Variants in CLC observed in about 807,000 individuals in gnomAD.
CLC encodes galectin-10.
In CLC, 15 loss-of-function variants were observed where a neutral mutation model predicts 13.9. The observed-to-expected ratio is 1.08, with a 90% CI of 0.72 to 1.66. The LOEUF (loss-of-function observed/expected upper bound fraction) is 1.66. Ranked by LOEUF, CLC falls within the 40% of genes most tolerant of loss-of-function variation. The pLI is 0.00. For missense variants in CLC, 161 were observed against 169.1 expected, an observed-to-expected ratio of 0.95 and a Z score of 0.27; for synonymous variants, 68 against 59.9, an observed-to-expected ratio of 1.14 and a Z score of -0.63.
At chr19:39,734,258 T>G in intron 3 of CLC, 25 bp downstream of exon 3, 1 of 1,607,256 alleles carries the variant, frequency 6.2e-7, no homozygotes, top group Admixed American at 1.7e-5. Context: ...GGAAGCCGGG[T>G]GCGGGGAGCT....
intron 3 of CLC, among the ~76,000 whole-genome samples, chr19:39,733,325 C>G (rs446425): frequency 0.67 from 101,210 of 151,812 alleles, 34,459 homozygotes; most frequent in African/African-American, 0.76. Context: ...ATGTCAGAAA[C>G]TTTGATCACA....
At chr19:39,732,183 A>G (rs1967237150) in intron 3 of CLC, among the ~76,000 whole-genome samples, 1 of 109,380 alleles carries the variant, frequency 9.1e-6, no homozygotes, top group African/African-American at 3.9e-5. Flanking sequence ...TGCACCCACT[A>G]ACTCGTCATC....
In CLC at chr19:39,731,448, C is replaced by T. The variant is rs770730080; in HGVS notation, c.361G>A (p.Val121Met). 1.2e-6 allele frequency: 2 copies of T among 1,613,758 alleles called. No individual in the cohort carries two copies. Among genetic ancestry groups the T allele is most frequent in the East Asian group, 2.2e-5 (1 of 44,860 alleles). Residue 121 changes from valine to methionine, a missense_variant, in exon 4 of 4, where the codon GTG (valine) becomes ATG (methionine). Transcript: ENST00000221804. ...TFDHRIKPEA[V>M]KMVQVWRDIS... ...TCTCTCCACACTTGCACCATCTTCACAGCCTCAGGCTTGATTCTATGGTCA... is the reference window on the plus strand; with the variant it reads ...TCTCTCCACACTTGCACCATCTTCATAGCCTCAGGCTTGATTCTATGGTCA...
At chr19:39,731,842 C>T (rs532624191) in intron 3 of CLC, among the ~76,000 whole-genome samples, 4 of 152,282 alleles carry the variant, frequency 2.6e-5, no homozygotes, top group African/African-American at 9.6e-5. Context: ...TTGCACAGGG[C>T]CAGCCACAGG....
chr19:39,735,086 T>TGA lies in CLC; in HGVS notation c.16-15_16-14dup. 6.3e-7 allele frequency: 1 copy of TGA among 1,597,980 alleles called. No homozygotes were observed. ...CTGTGTATGGCACCTGCCAGGGGATTGAGAGTGGGTGAGAGAGGCAGGGCC... is the reference window on the plus strand; with the variant it reads ...CTGTGTATGGCACCTGCCAGGGGATTGAGAGAGTGGGTGAGAGAGGCAGGGCC... On this transcript the variant is annotated splice_polypyrimidine_tract_variant and intron_variant, in intron 1 of 3. Coordinates refer to ENST00000221804, the MANE Select transcript of CLC (RefSeq NM_001828.6).
chr19:39,733,902 C>A (rs1399972514), intron 3 of CLC: 1 of 981,042 alleles, frequency 1.0e-6, no homozygotes, highest in African/African-American at 1.8e-5. Context: ...CATTTAGCTA[C>A]ATGAAAATTT....
intron 1 of CLC, among the ~76,000 whole-genome samples, chr19:39,735,305 T>A (rs1328498036): frequency 6.6e-6 from 1 of 152,236 alleles, no homozygotes; most frequent in Non-Finnish European, 1.5e-5. Flanking sequence ...TGCTGACTAC[T>A]AGCAGTGAGA....
chr19:39,732,336 G>T (rs1967239398), intron 3 of CLC, among the ~76,000 whole-genome samples: 2 of 102,178 alleles, frequency 2.0e-5, no homozygotes, highest in African/African-American at 8.6e-5. Flanking sequence ...GCGGTGTTTG[G>T]TTTTTTTGTT....
chr19:39,737,998 T>C lies in CLC; in HGVS notation c.-46A>G. On this transcript the variant is annotated 5_prime_UTR_variant, in exon 1 of 4. Coordinates refer to ENST00000221804, the MANE Select transcript of CLC (RefSeq NM_001828.6). ...CTCTTCTGAATTGTGTCCAGACTTCTGTGTGAATCTCTGAGCTGCAGAATT... is the reference window on the plus strand; with the variant it reads ...CTCTTCTGAATTGTGTCCAGACTTCCGTGTGAATCTCTGAGCTGCAGAATT... The C allele has an allele frequency of 6.3e-7, 1 of 1,597,028 alleles. No individual in the cohort carries two copies. The highest frequency in any genetic ancestry group is 8.6e-7 in the Non-Finnish European group (1 of 1,166,774).
chr19:39,731,743 C>G (rs1967228981), intron 3 of CLC, among the ~76,000 whole-genome samples: 1 of 152,190 alleles, frequency 6.6e-6, no homozygotes, highest in African/African-American at 2.4e-5. Context: ...CACTCTCTGT[C>G]ACATGGGCCA....
chr19:39,734,787 G>A (rs1296156170), intron 2 of CLC, among the ~76,000 whole-genome samples: 1 of 152,054 alleles, frequency 6.6e-6, no homozygotes. Context: ...CCCAAGCCTT[G>A]AGTGTCCTTT....
At chr19:39,734,011 G>GGATGGCAGTGCAAGGAGAGGT (rs1328881146) in intron 3 of CLC, 2 of 985,278 alleles carry the variant, frequency 2.0e-6, no homozygotes, top group East Asian at 1.1e-4. Context: ...AAAGAGCTGA[G>GGATGGCAGTGCAAGGAGAGGT]GATGGCAGTG....
intron 3 of CLC, among the ~76,000 whole-genome samples, chr19:39,733,627 TG>T (rs1270860878): frequency 6.6e-6 from 1 of 152,226 alleles, no homozygotes; most frequent in Non-Finnish European, 1.5e-5. Context: ...GGCAGCACCA[TG>T]GATAGATTAT....
chr19:39,735,156 G>T, intron 1 of CLC, 83 bp from the exon 2 acceptor site: 1 of 944,088 alleles, frequency 1.1e-6, no homozygotes, highest in Non-Finnish European at 1.7e-6. Flanking sequence ...GGTGCAGCCA[G>T]TTAGAGATCA....
At position 39,731,401 on chromosome 19, in the gene CLC, A is replaced by G. The variant is rs141833516; in HGVS notation, c.408T>C (p.Asn136=). ...CTGGTTATCTCTTTAAATAGCTGACATTAAATTTGGTCAGGGAGATATCTC... is the reference window on the plus strand; with the variant it reads ...CTGGTTATCTCTTTAAATAGCTGACGTTAAATTTGGTCAGGGAGATATCTC... The part of the protein sequence containing the change: ...VWRDISLTKF[N]VSYLKR Residue 136 remains asparagine, a synonymous_variant, in exon 4 of 4, where the codon AAT becomes AAC. Transcript: ENST00000221804. 21 of 1,613,794 alleles carry G rather than the reference A, an allele frequency of 1.3e-5. No individual in the cohort carries two copies. The highest frequency in any genetic ancestry group is 1.7e-5 in the Non-Finnish European group (20 of 1,179,734).
chr19:39,734,802 C>T (rs1173035926), intron 2 of CLC, among the ~76,000 whole-genome samples, 195 bp downstream of exon 2: 3 of 152,114 alleles, frequency 2.0e-5, no homozygotes, highest in African/African-American at 7.2e-5. Flanking sequence ...TCCTTTACTC[C>T]TAGACCCATG....
chr19:39,736,192 C>CAAA (rs543173129), intron 1 of CLC, among the ~76,000 whole-genome samples: 3 of 131,942 alleles, frequency 2.3e-5, no homozygotes, highest in Admixed American at 7.3e-5. Flanking sequence ...TTTTAACCAC[C>CAAA]AAAAAAAAAA....
intron 1 of CLC, among the ~76,000 whole-genome samples, chr19:39,736,192 CAA>C (rs543173129): frequency 7.6e-6 from 1 of 131,940 alleles, no homozygotes; most frequent in African/African-American, 2.7e-5. Context: ...TTTTAACCAC[CAA>C]AAAAAAAAAG....
intron 1 of CLC, among the ~76,000 whole-genome samples, chr19:39,736,284 A>G (rs1458065527): frequency 6.6e-6 from 1 of 152,202 alleles, no homozygotes; most frequent in Non-Finnish European, 1.5e-5. Flanking sequence ...TGGGAGGCAC[A>G]TACATCACAA....
Sources: allele counts gnomAD v4.1 joint callset (sites outside exome capture counted in the v4.1 genomes callset), GRCh38; gene constraint gnomAD v4.1.1; transcripts MANE v1.5; gene names NCBI Gene and HGNC (gene_info 2026-07-23, HGNC 2026-07-21).